The following PAIP2 variants were observed in gnomAD, a reference collection of about 807,000 sequenced individuals.
The protein encoded by PAIP2 is polyadenylate-binding protein-interacting protein 2.
PAIP2 carries 7 observed loss-of-function variants against 14.8 expected under a neutral mutation model. That is an observed-to-expected ratio of 0.47 (90% CI 0.27 to 0.89). The LOEUF (loss-of-function observed/expected upper bound fraction) is 0.89, where lower values mean the gene tolerates loss of function less well. PAIP2 is among the 40% of genes least tolerant of loss of function. The pLI is 0.13. For missense variants in PAIP2, 122 were observed against 154.7 expected (o/e 0.79, Z 1.12); for synonymous variants, 47 against 45.3 (o/e 1.04, Z -0.15).
At chr5:139,350,856 C>T (rs185310886) in intron 1 of PAIP2, among the ~76,000 whole-genome samples, 2 of 151,960 alleles carry the variant, frequency 1.3e-5, no homozygotes, top group African/African-American at 2.4e-5. Context: ...AGAATAGATT[C>T]AGACAAATGG....
intron 1 of PAIP2, among the ~76,000 whole-genome samples, chr5:139,345,907 G>A (rs1377429676): frequency 4.6e-5 from 7 of 152,096 alleles, no homozygotes; most frequent in African/African-American, 1.7e-4. Flanking sequence ...GATTACAGGC[G>A]TGAGCCACCG....
At chr5:139,358,771 A>G (rs1756988799) in intron 1 of PAIP2, among the ~76,000 whole-genome samples, 1 of 152,234 alleles carries the variant, frequency 6.6e-6, no homozygotes, top group Non-Finnish European at 1.5e-5. Context: ...AAGAGGACAC[A>G]TATTTTATGA....
chr5:139,355,171 T>A (rs567847146), intron 1 of PAIP2, among the ~76,000 whole-genome samples: 47 of 148,262 alleles, frequency 3.2e-4, no homozygotes, highest in Non-Finnish European at 4.6e-4. Context: ...TCTCTCTTTT[T>A]TTTTTTTTTT....
At chr5:139,358,116 G>C (rs1238266843) in intron 1 of PAIP2, among the ~76,000 whole-genome samples, 1 of 152,188 alleles carries the variant, frequency 6.6e-6, no homozygotes, top group Non-Finnish European at 1.5e-5. Context: ...GCCCACCTCA[G>C]ACTCCCAAAG....
rs1757530890 is a variant in PAIP2 at position 139,369,657 on chromosome 5, T to C, written c.*859T>C. 6.6e-6 allele frequency: 1 copy of C among 152,560 alleles called. No homozygotes were observed. Among genetic ancestry groups the C allele is most frequent in the Admixed American group, 6.5e-5 (1 of 15,274 alleles). The allele number at this position is 152,560 out of a possible 1,614,324, so 9.5% of individuals were successfully genotyped here. ...GTGTGAATAGTGTTTAAGTTGAAAA[T>C]ATTGTAAAAAAATTATATTTTTTCA... is the stretch of plus-strand genomic sequence containing the variant. On this transcript the variant is annotated 3_prime_UTR_variant, in exon 4 of 4. Coordinates refer to ENST00000265192, the MANE Select transcript of PAIP2 (RefSeq NM_016480.5).
chr5:139,361,455 G>C (rs560151055), intron 1 of PAIP2, among the ~76,000 whole-genome samples: 11 of 152,192 alleles, frequency 7.2e-5, no homozygotes, highest in African/African-American at 2.6e-4. Context: ...TACTGCTTGA[G>C]TTTACGTACA....
In PAIP2 at chr5:139,368,791, A is replaced by G; in HGVS notation, c.377A>G (p.Asn126Ser). The G allele has an allele frequency of 5.6e-6, 9 of 1,610,888 alleles. No individual in the cohort carries two copies. Among genetic ancestry groups the G allele is most frequent in the Non-Finnish European group, 7.6e-6 (9 of 1,177,130 alleles). Reference protein sequence around the residue: ...KEFVPGVKYGNI With the variant: ...KEFVPGVKYGSI The stretch of plus-strand genomic sequence containing the variant: ...TTTGTTCCTGGGGTGAAGTACGGAA[A>G]TATTTGAGTAGACGGGGCCCTCTTT... Residue 126 changes from asparagine to serine, a missense_variant, in exon 4 of 4, where the codon AAT (asparagine) becomes AGT (serine). By Grantham distance (46) the Asn-to-Ser change is conservative (BLOSUM62 1). Coordinates refer to ENST00000265192, the MANE Select transcript of PAIP2 (RefSeq NM_016480.5).
intron 1 of PAIP2, among the ~76,000 whole-genome samples, chr5:139,359,059 C>G (rs748387933): frequency 7.9e-5 from 12 of 152,106 alleles, no homozygotes; most frequent in Non-Finnish European, 1.8e-4. Context: ...TCTCTGCAGC[C>G]TTGACCTCGG....
At chr5:139,364,534 G>T (rs1211583073) in intron 2 of PAIP2, 30 bp from the exon 3 acceptor site, 1 of 1,331,272 alleles carries the variant, frequency 7.5e-7, no homozygotes, top group African/African-American at 1.4e-5. Context: ...TACCAAGTGT[G>T]CTATAAATTA....
chr5:139,355,621 G>A (rs1247425086), intron 1 of PAIP2, among the ~76,000 whole-genome samples: 1 of 152,072 alleles, frequency 6.6e-6, no homozygotes, highest in Non-Finnish European at 1.5e-5. Flanking sequence ...TTGGGAGGCT[G>A]ATGTGGGGAG....
intron 1 of PAIP2, among the ~76,000 whole-genome samples, chr5:139,362,705 T>C (rs1256615238): frequency 6.7e-6 from 1 of 148,644 alleles, no homozygotes; most frequent in Non-Finnish European, 1.5e-5. Flanking sequence ...CCACCGCGCC[T>C]GGCCTTTTTT....
chr5:139,342,727 A>G (rs1265550158), intron 1 of PAIP2: 6 of 152,236 alleles, frequency 3.9e-5, no homozygotes, highest in African/African-American at 1.4e-4. Flanking sequence ...CATCGCCACC[A>G]GAAATAAATA....
intron 1 of PAIP2, among the ~76,000 whole-genome samples, chr5:139,345,531 G>C (rs1056388404): frequency 6.6e-6 from 1 of 151,974 alleles, no homozygotes; most frequent in Non-Finnish European, 1.5e-5. Context: ...ATAAGGTAAG[G>C]ATCACAGTGG....
intron 1 of PAIP2, among the ~76,000 whole-genome samples, chr5:139,358,144 T>A (rs1756970275): frequency 6.6e-6 from 1 of 152,186 alleles, no homozygotes; most frequent in African/African-American, 2.4e-5. Context: ...CCCTGGTGCA[T>A]GTTTTAGAGT....
At chr5:139,346,513 G>A (rs1481685877) in intron 1 of PAIP2, among the ~76,000 whole-genome samples, 5 of 151,468 alleles carry the variant, frequency 3.3e-5, no homozygotes, top group African/African-American at 7.3e-5. Context: ...TGGGATTACA[G>A]GCGTGAGCCA....
At chr5:139,359,081 C>T (rs533696259) in intron 1 of PAIP2, among the ~76,000 whole-genome samples, 1 of 152,026 alleles carries the variant, frequency 6.6e-6, no homozygotes, top group Non-Finnish European at 1.5e-5. Flanking sequence ...CTAATATGAT[C>T]TTCCCACCTC....
At chr5:139,366,202 CAAA>C (rs1215094572) in intron 3 of PAIP2, among the ~76,000 whole-genome samples, 9 of 25,316 alleles carry the variant, frequency 3.6e-4, no homozygotes, top group African/African-American at 1.1e-3. Context: ...GACTCCACCT[CAAA>C]AAAAAAAAAA....
chr5:139,365,141 T>TTAAATAAATAAA (rs61568007), intron 3 of PAIP2: 19 of 141,624 alleles, frequency 1.3e-4, no homozygotes, highest in Admixed American at 2.9e-4. Flanking sequence ...TGAAACTCTA[T>TTAAATAAATAAA]TAAATAAATA....
chr5:139,349,455 G>T (rs1756659787), intron 1 of PAIP2, among the ~76,000 whole-genome samples: 1 of 151,878 alleles, frequency 6.6e-6, no homozygotes, highest in Non-Finnish European at 1.5e-5. Context: ...CGCCATGTTG[G>T]CCAGGATGGT....
Sources: gnomAD v4.1 joint callset for allele counts (sites outside exome capture counted in the v4.1 genomes callset) on GRCh38, gnomAD v4.1.1 for gene constraint, MANE v1.5 for transcripts, NCBI Gene and HGNC (gene_info 2026-07-23, HGNC 2026-07-21) for gene names.